Variants in LOC400499 observed in about 807,000 individuals in gnomAD.
the LOC400499 span, chr16:11,472,119 T>A: frequency 3.4e-6 from 1 of 290,798 alleles, no homozygotes; most frequent in Non-Finnish European, 6.3e-6. Flanking sequence ...AACAACCAAA[T>A]ATTTCTGCAC....
At chr16:11,420,597 A>AC in the LOC400499 span, among the ~76,000 whole-genome samples, 461 of 91,944 alleles carry the variant, frequency 5.0e-3, 7 homozygotes, top group East Asian at 0.014. Context: ...ATAATAATAA[A>AC]CCCCCCCCCC....
chr16:11,478,757 C>T, the LOC400499 span: 1 of 398,668 alleles, frequency 2.5e-6, no homozygotes, highest in Non-Finnish European at 4.4e-6. Flanking sequence ...TGGCTGTGTC[C>T]CCACCCAAAT....
At chr16:11,515,856 GCCCA>G in the LOC400499 span, 2 of 187,994 alleles carry the variant, frequency 1.1e-5, no homozygotes, top group East Asian at 6.8e-5. Flanking sequence ...GCCCGGCCCA[GCCCA>G]GCCCAGCCCA....
chr16:11,492,933 A>T, the LOC400499 span, among the ~76,000 whole-genome samples: 2 of 152,140 alleles, frequency 1.3e-5, no homozygotes, highest in Non-Finnish European at 2.9e-5. Flanking sequence ...TTAAGCTAAG[A>T]CGTACAGGAT....
At chr16:11,460,388 C>G in the LOC400499 span, 1 of 1,376,072 alleles carries the variant, frequency 7.3e-7, no homozygotes, top group Non-Finnish European at 9.5e-7. Context: ...GCAAGTCCAT[C>G]TCTTTGGGGA....
the LOC400499 span, among the ~76,000 whole-genome samples, chr16:11,491,486 T>C: frequency 6.6e-6 from 1 of 152,124 alleles, no homozygotes; most frequent in Non-Finnish European, 1.5e-5. Context: ...AGTCATCCAA[T>C]GGCAGAATGG....
At chr16:11,373,276 G>A in the LOC400499 span, among the ~76,000 whole-genome samples, 1 of 152,212 alleles carries the variant, frequency 6.6e-6, no homozygotes, top group Non-Finnish European at 1.5e-5. Context: ...GGCACAGATG[G>A]ACACTCAGAG....
chr16:11,410,264 G>C, the LOC400499 span, among the ~76,000 whole-genome samples: 25,615 of 152,190 alleles, frequency 0.17, 2,223 homozygotes, highest in Middle Eastern at 0.28. Context: ...GACCAGCCTG[G>C]ATATCACGGT....
chr16:11,375,872 C>T, the LOC400499 span, among the ~76,000 whole-genome samples: 61 of 151,840 alleles, frequency 4.0e-4, no homozygotes, highest in Middle Eastern at 3.4e-3. Context: ...TGGGATTACA[C>T]GCATGCACCA....
the LOC400499 span, among the ~76,000 whole-genome samples, chr16:11,454,669 C>A: frequency 6.6e-6 from 1 of 152,210 alleles, no homozygotes. Flanking sequence ...AAACTTACAG[C>A]CTTCAGAACT....
the LOC400499 span, chr16:11,469,300 G>C: frequency 2.5e-6 from 1 of 399,296 alleles, no homozygotes; most frequent in East Asian, 3.6e-5. Context: ...TCAACATCTG[G>C]ATCTGGCCCC....
At chr16:11,438,683 G>A in the LOC400499 span, among the ~76,000 whole-genome samples, 1 of 150,930 alleles carries the variant, frequency 6.6e-6, no homozygotes, top group Non-Finnish European at 1.5e-5. Context: ...CAGCTACTCA[G>A]GAGGCTGAGG....
chr16:11,411,150 G>C, the LOC400499 span: 1 of 398,630 alleles, frequency 2.5e-6, no homozygotes, highest in Non-Finnish European at 4.4e-6. Context: ...GAACAGATGT[G>C]CATGTATTAA....
chr16:11,385,175 C>T, the LOC400499 span: 22 of 1,231,348 alleles, frequency 1.8e-5, no homozygotes, highest in South Asian at 4.1e-5. Flanking sequence ...CCAGGGGAGG[C>T]TCAGTCCTAC....
chr16:11,460,559 G>C, the LOC400499 span: 1 of 1,535,532 alleles, frequency 6.5e-7, no homozygotes. Flanking sequence ...GCCACTGTCT[G>C]CCCGCAGCTT....
At chr16:11,520,868 G>T in the LOC400499 span, among the ~76,000 whole-genome samples, 1 of 151,948 alleles carries the variant, frequency 6.6e-6, no homozygotes, top group African/African-American at 2.4e-5. Context: ...ACCTCCCAAG[G>T]GGCCAGAAAA....
the LOC400499 span, chr16:11,399,729 G>A: frequency 7.5e-6 from 3 of 398,894 alleles, no homozygotes; most frequent in Middle Eastern, 6.3e-4. Context: ...CCAGGCAGCC[G>A]TCCCAGGCGG....
the LOC400499 span, chr16:11,407,256 C>G: frequency 5.0e-6 from 2 of 399,046 alleles, no homozygotes; most frequent in Non-Finnish European, 8.8e-6. Flanking sequence ...TTAGCAGCTA[C>G]CTGCCGGGTG....
the LOC400499 span, chr16:11,502,271 G>A: frequency 2.5e-4 from 100 of 397,112 alleles, 1 homozygote; most frequent in Non-Finnish European, 2.6e-4. Flanking sequence ...AAGCACAACC[G>A]TGGGGAAAGT....
Sources: gnomAD v4.1 joint callset for allele counts (sites outside exome capture counted in the v4.1 genomes callset) on GRCh38, gnomAD v4.1.1 for gene constraint, MANE v1.5 for transcripts.